The following NRG1 variants were observed in gnomAD, a reference collection of about 807,000 sequenced individuals.
NRG1 encodes neuregulin 1.
Under a neutral mutation model 63.8 loss-of-function variants are expected in NRG1, and 18 were observed. That is an observed-to-expected ratio of 0.28 (90% CI 0.19 to 0.42). The LOEUF is 0.42. NRG1 is among the 10% of genes least tolerant of loss of function. The pLI, the probability that NRG1 is intolerant of heterozygous loss-of-function variation, is 1.00. For synonymous variants in NRG1, 302 were observed against 301.3 expected (o/e 1.00, Z -0.02); for missense variants, 762 against 814.7 (o/e 0.94, Z 0.79).
At chr8:32,250,565 C>T (rs1424606328) in intron 1 of NRG1, among the ~76,000 whole-genome samples, 3 of 151,466 alleles carry the variant, frequency 2.0e-5, no homozygotes, top group Admixed American at 1.3e-4. Context: ...TTTTTTATAG[C>T]TTATAGTGAC....
At chr8:31,685,395 A>C (rs1335925754) in intron 1 of NRG1, among the ~76,000 whole-genome samples, 1 of 152,232 alleles carries the variant, frequency 6.6e-6, no homozygotes, top group Non-Finnish European at 1.5e-5. Flanking sequence ...GGGGACAGTA[A>C]TAAACATATT....
At chr8:32,170,093 C>T (rs1839868887) in intron 1 of NRG1, among the ~76,000 whole-genome samples, 1 of 152,106 alleles carries the variant, frequency 6.6e-6, no homozygotes, top group South Asian at 2.1e-4. Flanking sequence ...GGCAAGGATC[C>T]CCTCCAGAGC....
chr8:32,398,091 T>C (rs752993734), intron 1 of NRG1, among the ~76,000 whole-genome samples: 1 of 152,226 alleles, frequency 6.6e-6, no homozygotes, highest in Non-Finnish European at 1.5e-5. Context: ...AGTTGGTATG[T>C]GATTGTTGAG....
chr8:32,684,095 G>T (rs1809432110), intron 5 of NRG1, among the ~76,000 whole-genome samples: 2 of 152,150 alleles, frequency 1.3e-5, no homozygotes, highest in Non-Finnish European at 2.9e-5. Flanking sequence ...TACTCCGGGA[G>T]GCGGAGGTTG....
intron 1 of NRG1, among the ~76,000 whole-genome samples, chr8:32,021,665 T>A (rs1036686588): frequency 1.3e-5 from 2 of 151,978 alleles, no homozygotes; most frequent in African/African-American, 4.8e-5. Context: ...TATATAACTT[T>A]GAGACATAGC....
At chr8:32,265,352 T>TA (rs1850810314) in intron 1 of NRG1, among the ~76,000 whole-genome samples, 1 of 151,626 alleles carries the variant, frequency 6.6e-6, no homozygotes, top group Non-Finnish European at 1.5e-5. Flanking sequence ...ATTAATTAAT[T>TA]AAAAAAATAA....
At chr8:32,637,071 G>C (rs1851477131) in intron 5 of NRG1, among the ~76,000 whole-genome samples, 2 of 152,116 alleles carry the variant, frequency 1.3e-5, no homozygotes, top group South Asian at 4.1e-4. Context: ...GAAACACCAT[G>C]AAAAATTTTT....
chr8:32,315,247 C>A (rs978096424), intron 1 of NRG1, among the ~76,000 whole-genome samples: 5 of 152,144 alleles, frequency 3.3e-5, no homozygotes, highest in Non-Finnish European at 5.9e-5. Context: ...TGCCCACCCC[C>A]CTGACAGGTC....
intron 1 of NRG1, among the ~76,000 whole-genome samples, chr8:31,918,815 G>A (rs1453146647): frequency 7.1e-6 from 1 of 140,330 alleles, no homozygotes; most frequent in African/African-American, 2.7e-5. Context: ...GAATTCGGCT[G>A]TGAATCCATC....
rs570842887 is a variant in NRG1, at chr8:32,486,949, A to G, written c.38-108879A>G. The stretch of plus-strand genomic sequence containing the variant: ...CCAGAATTGCTGGAACTTAATGCCA[A>G]CTCTCAATTGTCTTTCCTTCTGCTA... On this transcript the variant is annotated intron_variant, in intron 1 of 10. Coordinates refer to the NRG1 transcript ENST00000519301. Among the ~76,000 whole-genome samples the G allele has an allele frequency of 4.6e-5, 7 of 152,012 alleles. No homozygotes were observed. In the East Asian group the frequency reaches 1.4e-3, roughly 29 times the overall value.
chr8:31,790,267 C>T lies in NRG1; in HGVS notation c.37+150836C>T, dbSNP rs564885717. Among the ~76,000 whole-genome samples, 266 of 152,168 alleles carry T rather than the reference C, an allele frequency of 1.7e-3. 1 individual carries two copies. Among genetic ancestry groups the T allele is most frequent in the African/African-American group, 6.0e-3 (251 of 41,506 alleles). On this transcript the variant is annotated intron_variant, in intron 1 of 10. Transcript: ENST00000519301. ...TGGGACCCTAAAACTATTGAAGTAA[C>T]AAGAAATTAGGACAAGAAACTAATA...
chr8:32,065,854 A>C (rs1213724021), intron 1 of NRG1, among the ~76,000 whole-genome samples: 4 of 152,106 alleles, frequency 2.6e-5, no homozygotes, highest in South Asian at 2.1e-4. Flanking sequence ...CCTGTTGTTT[A>C]CTGACTTTTT....
intron 1 of NRG1, among the ~76,000 whole-genome samples, chr8:32,192,330 A>G (rs550165437): frequency 6.6e-6 from 1 of 152,200 alleles, no homozygotes; most frequent in Non-Finnish European, 1.5e-5. Flanking sequence ...TAACAAAGAC[A>G]TGAAATCCAC....
chr8:31,789,163 T>C (rs1820454954), intron 1 of NRG1, among the ~76,000 whole-genome samples: 2 of 152,226 alleles, frequency 1.3e-5, no homozygotes, highest in Admixed American at 6.5e-5. Flanking sequence ...TTAAAGTCTC[T>C]TCTTGGTTCA....
In NRG1 at chr8:32,490,781, A is replaced by G. The variant is rs141222735; in HGVS notation, c.38-105047A>G. 3.7e-3 allele frequency among the ~76,000 whole-genome samples: 567 copies of G among 152,120 alleles called. 5 individuals carry two copies. The highest frequency in any genetic ancestry group is 0.013 in the African/African-American group (541 of 41,466). ...CATTCACCCCTTTGTTTTATTTTTC[A>G]CACCTAAAAAAGTAGCCAAGTTTGA... On this transcript the variant is annotated intron_variant, in intron 1 of 10. Transcript: ENST00000519301.
intron 1 of NRG1, among the ~76,000 whole-genome samples, chr8:32,024,877 GTCTTT>G (rs1817001175): frequency 6.6e-6 from 1 of 152,132 alleles, no homozygotes; most frequent in South Asian, 2.1e-4. Context: ...TTTATATACT[GTCTTT>G]TAACCTGTTT....
intron 5 of NRG1, among the ~76,000 whole-genome samples, chr8:32,685,892 C>T (rs1809979845): frequency 6.6e-6 from 1 of 152,190 alleles, no homozygotes. Context: ...GTGACTCACA[C>T]TACATGAGAA....
chr8:32,578,117 C>T (rs867197031), intron 1 of NRG1, among the ~76,000 whole-genome samples: 2 of 152,108 alleles, frequency 1.3e-5, no homozygotes, highest in Non-Finnish European at 2.9e-5. Context: ...GCCTCAGCCT[C>T]CTGAGTAGCT....
intron 1 of NRG1, among the ~76,000 whole-genome samples, chr8:32,528,523 C>T (rs866361506): frequency 6.6e-6 from 1 of 152,128 alleles, no homozygotes; most frequent in African/African-American, 2.4e-5. Context: ...TATTTTTAAG[C>T]CTGAATTAGT....
Sources: gnomAD v4.1 joint callset for allele counts (sites outside exome capture counted in the v4.1 genomes callset) on GRCh38, gnomAD v4.1.1 for gene constraint, MANE v1.5 for transcripts, NCBI Gene and HGNC (gene_info 2026-07-23, HGNC 2026-07-21) for gene names.